Variants in BCKDHB observed in about 807,000 individuals in gnomAD.
BCKDHB encodes the protein branched chain keto acid dehydrogenase E1 subunit beta, also known as 2-oxoisovalerate dehydrogenase subunit beta, mitochondrial.
BCKDHB carries 41 observed loss-of-function variants against 48.5 expected under a neutral mutation model. That is an observed-to-expected ratio of 0.85 (90% CI 0.66 to 1.10). The LOEUF is 1.10. Among genes scored for constraint, BCKDHB ranks in the 50% least tolerant of loss-of-function variants. The probability of loss-of-function intolerance (pLI) is 0.00; values close to 1 mark genes in which losing one functional copy is unlikely to be tolerated. For missense variants in BCKDHB, 496 were observed against 494.2 expected (o/e 1.00, Z -0.03); for synonymous variants, 201 against 174.8 (o/e 1.15, Z -1.18).
chr6:80,117,714 T>TAGCCC (rs1356193086), intron 1 of BCKDHB, among the ~76,000 whole-genome samples: 2 of 152,252 alleles, frequency 1.3e-5, no homozygotes, highest in Non-Finnish European at 2.9e-5. Flanking sequence ...TGCAGATAGC[T>TAGCCC]AGCCCAGCCC....
intron 6 of BCKDHB, among the ~76,000 whole-genome samples, chr6:80,196,640 A>T (rs1354021408): frequency 6.6e-6 from 1 of 152,122 alleles, no homozygotes; most frequent in Non-Finnish European, 1.5e-5. Context: ...AACTTGGTAT[A>T]TATATATATT....
At chr6:80,230,491 A>C (rs1194992570) in intron 8 of BCKDHB, among the ~76,000 whole-genome samples, 1 of 152,208 alleles carries the variant, frequency 6.6e-6, no homozygotes. Context: ...GGGATTTGAC[A>C]TATGGAACAG....
the BCKDHB span, among the ~76,000 whole-genome samples, chr6:80,419,522 G>A: frequency 6.6e-6 from 1 of 152,188 alleles, no homozygotes; most frequent in Admixed American, 6.5e-5. Flanking sequence ...AGCAAGTTGA[G>A]CTTAGGGGGA....
At chr6:80,453,619 GATATT>G in the BCKDHB span, among the ~76,000 whole-genome samples, 1 of 152,126 alleles carries the variant, frequency 6.6e-6, no homozygotes, top group Non-Finnish European at 1.5e-5. Context: ...GACTGTTTAT[GATATT>G]ATATTTGCAT....
chr6:80,324,018 TG>T (rs1768895177), intron 9 of BCKDHB, among the ~76,000 whole-genome samples: 1 of 152,126 alleles, frequency 6.6e-6, no homozygotes, highest in African/African-American at 2.4e-5. Context: ...GTGATCCACC[TG>T]CCTCGGCCTC....
the BCKDHB span, among the ~76,000 whole-genome samples, chr6:80,361,899 G>A: frequency 6.6e-6 from 1 of 152,160 alleles, no homozygotes. Context: ...AACACGCATG[G>A]GAGAGAGCTA....
the BCKDHB span, among the ~76,000 whole-genome samples, chr6:80,430,920 G>A: frequency 6.6e-6 from 1 of 151,976 alleles, no homozygotes; most frequent in Non-Finnish European, 1.5e-5. Flanking sequence ...TTAGGGTGTA[G>A]ATTTTATATC....
At chr6:80,350,705 T>G (rs1770368955), downstream of BCKDHB, among the ~76,000 whole-genome samples, 1 of 152,180 alleles carries the variant, frequency 6.6e-6, no homozygotes, top group African/African-American at 2.4e-5. Context: ...TGTAAGTATT[T>G]TATTTACTAT....
At chr6:80,336,948 C>T in intron 9 of BCKDHB, among the ~76,000 whole-genome samples, 1 of 151,946 alleles carries the variant, frequency 6.6e-6, no homozygotes. Context: ...TGGGTACATA[C>T]TATTTTTAAA....
At chr6:80,366,796 T>C in the BCKDHB span, among the ~76,000 whole-genome samples, 1 of 152,152 alleles carries the variant, frequency 6.6e-6, no homozygotes, top group Non-Finnish European at 1.5e-5. Flanking sequence ...TAGCCTACAG[T>C]CTAGCTACTT....
the BCKDHB span, chr6:80,374,149 T>C: frequency 1.4e-6 from 1 of 714,442 alleles, no homozygotes; most frequent in Non-Finnish European, 2.6e-6. Flanking sequence ...CAGGGAGAGC[T>C]CATGTATGGG....
At chr6:80,199,693 C>G (rs568189956) in intron 6 of BCKDHB, among the ~76,000 whole-genome samples, 1 of 145,766 alleles carries the variant, frequency 6.9e-6, no homozygotes, top group East Asian at 2.1e-4. Flanking sequence ...TCACTTGAAC[C>G]CAGGAGGCAG....
chr6:80,290,515 G>A (rs1375693137), intron 9 of BCKDHB, among the ~76,000 whole-genome samples: 1 of 152,174 alleles, frequency 6.6e-6, no homozygotes, highest in African/African-American at 2.4e-5. Flanking sequence ...TCATGGTGGG[G>A]TATTAACTTA....
chr6:80,261,843 C>T (rs1287596410), intron 8 of BCKDHB, among the ~76,000 whole-genome samples: 6 of 152,108 alleles, frequency 3.9e-5, no homozygotes, highest in Non-Finnish European at 7.4e-5. Context: ...TAATTTTCAG[C>T]ATTTTTTTTC....
chr6:80,293,821 C>G (rs955198680), intron 9 of BCKDHB, among the ~76,000 whole-genome samples: 2 of 152,132 alleles, frequency 1.3e-5, no homozygotes, highest in African/African-American at 4.8e-5. Context: ...AAATCATCTC[C>G]CTCATGTTCA....
At chr6:80,410,048 C>T in the BCKDHB span, among the ~76,000 whole-genome samples, 1 of 152,042 alleles carries the variant, frequency 6.6e-6, no homozygotes, top group African/African-American at 2.4e-5. Context: ...GCATCAATGG[C>T]CTTTACAATT....
intron 3 of BCKDHB, among the ~76,000 whole-genome samples, chr6:80,135,431 G>A (rs1300103840): frequency 2.4e-4 from 37 of 152,096 alleles, no homozygotes; most frequent in Admixed American, 2.4e-3. Flanking sequence ...ATTGTGAGAT[G>A]TCTAACAGGA....
chr6:80,191,002 G>A (rs544275826), intron 6 of BCKDHB, among the ~76,000 whole-genome samples: 1 of 152,284 alleles, frequency 6.6e-6, no homozygotes, highest in South Asian at 2.1e-4. Flanking sequence ...AGCAGCCAAT[G>A]GTGGTTCCAG....
intron 9 of BCKDHB, among the ~76,000 whole-genome samples, chr6:80,325,044 G>A (rs951443151): frequency 2.0e-5 from 3 of 152,048 alleles, no homozygotes; most frequent in African/African-American, 7.3e-5. Flanking sequence ...AATTATGAGT[G>A]GTCTTGTATG....
Sources: gnomAD v4.1 joint callset for allele counts (sites outside exome capture counted in the v4.1 genomes callset) on GRCh38, gnomAD v4.1.1 for gene constraint, MANE v1.5 for transcripts, NCBI Gene and HGNC (gene_info 2026-07-23, HGNC 2026-07-21) for gene names.